NKAP: variants seen among roughly 807,000 people sequenced by gnomAD.
NKAP encodes the protein NFKB activating protein.
A neutral mutation model predicts 35.6 loss-of-function variants in NKAP; 4 were observed. The observed-to-expected ratio is 0.11, with a 90% confidence interval of 0.06 to 0.26. The LOEUF (loss-of-function observed/expected upper bound fraction) is 0.26. Among genes scored for constraint, NKAP ranks in the 10% least tolerant of loss-of-function variants. The pLI is 1.00. For missense variants in NKAP, 238 were observed against 321.9 expected (o/e 0.74, Z 1.99); for synonymous variants, 106 against 119.2 (o/e 0.89, Z 0.72).
chrX:119,931,469 A>G (rs1461407781), intron 7 of NKAP, among the ~76,000 whole-genome samples: 3 of 110,256 alleles, frequency 2.7e-5, no homozygotes, highest in Admixed American at 9.8e-5. Flanking sequence ...TCACGCCACT[A>G]AACTCCAGCC....
intron 5 of NKAP, 64 bp downstream of exon 5, chrX:119,934,430 C>CAAAAAAAAAAAAAAAAAAAAAAAAAAAAA (rs369386190): frequency 7.9e-6 from 1 of 127,095 alleles, no homozygotes; most frequent in African/African-American, 1.8e-4. Context: ...GACTCTGTCT[C>CAAAAAAAAAAAAAAAAAAAAAAAAAAAAA]AAAAAAAAAA....
chrX:119,936,258 T>G, intron 4 of NKAP, 39 bp downstream of exon 4: 1 of 1,180,993 alleles, frequency 8.5e-7, no homozygotes, highest in Non-Finnish European at 1.1e-6. Context: ...TAAAACTAGT[T>G]TTGAAGCAAG....
chrX:119,921,086 T>TA lies in NKAP; in HGVS notation c.*4133dup, dbSNP rs1370600951. The TA allele has an allele frequency of 1.8e-5, 2 of 112,865 alleles. No individual in the cohort carries two copies. Among genetic ancestry groups the TA allele is most frequent in the African/African-American group, 3.2e-5 (1 of 30,993 alleles). 9.3% of individuals were successfully genotyped at this position (112,865 alleles called of 1,213,427 possible). A position where few individuals can be genotyped will look rare whatever the true frequency, so the allele number is the denominator to read the frequency against. On this transcript the variant is annotated 3_prime_UTR_variant, in exon 9 of 9. Coordinates refer to ENST00000371410, the MANE Select transcript of NKAP (RefSeq NM_024528.4). ...TTTACTGGGAGTTAAGCCTCACTGC[T>TA]AAATAATATATTTTGAAACTGGAAA... is the stretch of plus-strand genomic sequence containing the variant.
chrX:119,926,200 C>T (rs1483840431), intron 8 of NKAP, among the ~76,000 whole-genome samples: 2 of 105,740 alleles, frequency 1.9e-5, no homozygotes, highest in Non-Finnish European at 3.9e-5. Flanking sequence ...TCATGATCCA[C>T]CCACCTCGGC....
rs194308 is a variant in NKAP, at chrX:119,936,604, A to G, written c.538+8T>C. 6 of 1,145,792 alleles carry G rather than the reference A, an allele frequency of 5.2e-6. No homozygotes were observed. Among genetic ancestry groups the G allele is most frequent in the Non-Finnish European group, 7.0e-6 (6 of 860,161 alleles). The allele number at this position is 1,145,792 out of a possible 1,213,427, so 94.4% of individuals were successfully genotyped here. On this transcript the variant is annotated splice_region_variant and intron_variant, in intron 3 of 8. Transcript: ENST00000371410. ...TGTATTTTAAAAATACCCTTTTTTT[A>G]AAAATACCTTCTGAAGTAGAAGCTG...
chrX:119,930,344 A>G (rs1184352808), intron 7 of NKAP, among the ~76,000 whole-genome samples, 179 bp from the exon 8 acceptor site: 1 of 112,641 alleles, frequency 8.9e-6, no homozygotes, highest in Non-Finnish European at 1.9e-5. Flanking sequence ...TAATTAGTGT[A>G]TTAAACATTG....
Position 119,943,599 on chromosome X carries a change from G to T in NKAP, c.7C>A (p.Pro3Thr). 8.5e-7 allele frequency: 1 copy of T among 1,178,077 alleles called. No homozygotes were observed. The highest frequency in any genetic ancestry group is 1.9e-5 in the South Asian group (1 of 52,181). Residue 3 changes from proline (P) to threonine (T), a missense_variant, in exon 1 of 9, where the codon CCG (proline) becomes ACG (threonine). Around this residue, in one of 5 missense-constraint regions of NKAP, gnomAD observed 123 missense variants for 115.3 expected, o/e 1.07. Coordinates refer to ENST00000371410, the MANE Select transcript of NKAP (RefSeq NM_024528.4). ...TCCGGGCTGCGTGAGCCGGACACCG[G>T]AGCCATGGCTACTGGGGGGCCCCAG... MAPVSGSRSPDRE... is the reference protein window; with the variant it reads MATVSGSRSPDRE...
intron 4 of NKAP, among the ~76,000 whole-genome samples, chrX:119,934,991 T>C (rs369433419): frequency 2.7e-5 from 3 of 111,868 alleles, no homozygotes; most frequent in East Asian, 5.6e-4. Context: ...TTCTCTTCGC[T>C]TTTCTGAATA....
chrX:119,936,318 CAG>C lies in NKAP; in HGVS notation c.650_651del (p.Ser217Ter). The C allele has an allele frequency of 8.3e-7, 1 of 1,205,411 alleles. No individual in the cohort carries two copies. The highest frequency in any genetic ancestry group is 1.1e-6 in the Non-Finnish European group (1 of 893,247). ...TTACCACTGGAGTCTGTTTCAGAAT[CAG>C]AGTCACTGTCGCTATCTTCAGAATA... ...KKYSEDSDSDSDSETDSSDED... is the reference protein window; with the variant it reads ...KKYSEDSDSDXDSETDSSDED... On this transcript the variant is annotated frameshift_variant, in exon 4 of 9. Transcript: ENST00000371410. LOFTEE classifies it high-confidence loss of function.
chrX:119,930,314 C>G (rs1431788506), intron 7 of NKAP, 149 bp from the exon 8 acceptor site: 5 of 508,158 alleles, frequency 9.8e-6, no homozygotes, highest in Non-Finnish European at 1.5e-5. Flanking sequence ...CTAGGAAGCT[C>G]AATGTGAATT....
At chrX:119,936,191 A>T in intron 4 of NKAP, 106 bp downstream of exon 4, 1 of 897,330 alleles carries the variant, frequency 1.1e-6, no homozygotes, top group Non-Finnish European at 1.6e-6. Flanking sequence ...GTGTTCAAAA[A>T]CTCTTCAGTA....
intron 1 of NKAP, among the ~76,000 whole-genome samples, chrX:119,941,611 C>A (rs1044442970): frequency 9.1e-6 from 1 of 110,448 alleles, no homozygotes; most frequent in Admixed American, 9.7e-5. Context: ...TCTTCCTGTT[C>A]TTCTCTTTGT....
chrX:119,936,018 TGC>T (rs2056764474), intron 4 of NKAP, among the ~76,000 whole-genome samples: 1 of 111,653 alleles, frequency 9.0e-6, no homozygotes, highest in Non-Finnish European at 1.9e-5. Context: ...GGAGTCAGAT[TGC>T]TTAGGTTTGA....
rs2056690911 is a variant in NKAP, at chrX:119,922,200, G to T, written c.*3020C>A. 2 of 111,692 alleles carry T rather than the reference G, an allele frequency of 1.8e-5. No individual in the cohort carries two copies. The highest frequency in any genetic ancestry group is 7.5e-4 in the South Asian group (2 of 2,684). 9.2% of individuals were successfully genotyped at this position (111,692 alleles called of 1,213,427 possible). A position where few individuals can be genotyped will look rare whatever the true frequency, so the allele number is the denominator to read the frequency against. On this transcript the variant is annotated 3_prime_UTR_variant, in exon 9 of 9. Coordinates refer to ENST00000371410, the MANE Select transcript of NKAP (RefSeq NM_024528.4). ...TCAGGTTTTATTATTCAGGGAAGTA[G>T]ATGGATTGAGACTCAAAACTTTGGG... is the stretch of plus-strand genomic sequence containing the variant.
Position 119,934,493 on chromosome X carries a change from C to T in NKAP, c.737+1G>A. ...TCCATAATAAAACTTAAAAAACTGA[C>T]GATCTGTGTTTCTTCTTCTTTTCCT... On this transcript the variant is annotated splice_donor_variant, in intron 5 of 8. Coordinates refer to ENST00000371410, the MANE Select transcript of NKAP (RefSeq NM_024528.4). LOFTEE classifies it high-confidence loss of function. 1.0e-6 allele frequency: 1 copy of T among 996,132 alleles called. No homozygotes were observed. The highest frequency in any genetic ancestry group is 1.3e-6 in the Non-Finnish European group (1 of 761,259). 82.1% of individuals were successfully genotyped at this position (996,132 alleles called of 1,213,427 possible).
chrX:119,929,001 A>T (rs1000446545), intron 8 of NKAP, among the ~76,000 whole-genome samples: 1 of 110,751 alleles, frequency 9.0e-6, no homozygotes, highest in African/African-American at 3.3e-5. Flanking sequence ...GGTTCATGCG[A>T]TTCTCCTGCT....
At chrX:119,935,171 C>T (rs183717916) in intron 4 of NKAP, among the ~76,000 whole-genome samples, 14 of 110,882 alleles carry the variant, frequency 1.3e-4, no homozygotes, top group Admixed American at 1.1e-3. Context: ...ACAGAGGAGT[C>T]TCAAAATCAG....
chrX:119,928,493 T>C (rs778527846), intron 8 of NKAP, among the ~76,000 whole-genome samples: 17 of 112,667 alleles, frequency 1.5e-4, no homozygotes, highest in African/African-American at 5.5e-4. Flanking sequence ...CTCTCATTTA[T>C]AATTTATCTG....
At position 119,943,627 on chromosome X, in the gene NKAP, G is replaced by A. The variant is rs2056805871; in HGVS notation, c.-22C>T. 8.7e-7 allele frequency: 1 copy of A among 1,150,992 alleles called. No homozygotes were observed. The highest frequency in any genetic ancestry group is 2.6e-5 in the Admixed American group (1 of 37,980). The allele number at this position is 1,150,992 out of a possible 1,213,427, so 94.9% of individuals were successfully genotyped here. ...CCATGGCTACTGGGGGGCCCCAGCA[G>A]CCGTGGGACAAGGGGGCGCTCTCGC... On this transcript the variant is annotated 5_prime_UTR_variant, in exon 1 of 9. Coordinates refer to ENST00000371410, the MANE Select transcript of NKAP (RefSeq NM_024528.4).
Sources: allele counts gnomAD v4.1 joint callset (sites outside exome capture counted in the v4.1 genomes callset), GRCh38; gene constraint gnomAD v4.1.1; regional missense constraint gnomAD v4.1.1; transcripts MANE v1.5; gene names NCBI Gene and HGNC (gene_info 2026-07-23, HGNC 2026-07-21).